Variants in NTNG1 observed in about 807,000 individuals in gnomAD.
The protein encoded by NTNG1 is netrin-G1.
A neutral mutation model predicts 54.0 loss-of-function variants in NTNG1; 16 were observed. The observed-to-expected ratio is 0.30, with a 90% CI of 0.20 to 0.45. NTNG1 has a LOEUF of 0.45. Among genes scored for constraint, NTNG1 ranks in the 20% least tolerant of loss-of-function variants. NTNG1 has a pLI of 1.00. For missense variants in NTNG1, 530 were observed against 678.7 expected (o/e 0.78, Z 2.43); for synonymous variants, 255 against 263.1 (o/e 0.97, Z 0.30).
intron 7 of NTNG1, among the ~76,000 whole-genome samples, chr1:107,476,138 G>C (rs1052955293): frequency 6.6e-6 from 1 of 152,182 alleles, no homozygotes; most frequent in African/African-American, 2.4e-5. Flanking sequence ...CATAGATACA[G>C]TCATTCACAT....
intron 3 of NTNG1, among the ~76,000 whole-genome samples, chr1:107,352,428 T>C (rs1669674483): frequency 2.0e-5 from 3 of 152,040 alleles, no homozygotes; most frequent in African/African-American, 7.2e-5. Context: ...TGGAAGACAA[T>C]GGCCCTCTTC....
At chr1:107,431,004 C>T (rs1675226903) in intron 6 of NTNG1, 87 bp downstream of exon 6, 1 of 1,230,940 alleles carries the variant, frequency 8.1e-7, no homozygotes, top group South Asian at 1.4e-5. Context: ...CGATTTGCAC[C>T]GCGGTTGAGC....
chr1:107,422,772 G>A (rs1038808544), intron 5 of NTNG1, among the ~76,000 whole-genome samples: 1 of 151,896 alleles, frequency 6.6e-6, no homozygotes, highest in Non-Finnish European at 1.5e-5. Context: ...ATTTTAATCA[G>A]CTCTGGATTT....
At chr1:107,301,836 G>A (rs1666338576) in intron 2 of NTNG1, among the ~76,000 whole-genome samples, 1 of 152,120 alleles carries the variant, frequency 6.6e-6, no homozygotes, top group African/African-American at 2.4e-5. Context: ...TTTTCTTGTT[G>A]TGTGACTTCT....
chr1:107,429,192 T>C (rs1018568037), intron 5 of NTNG1, among the ~76,000 whole-genome samples: 3 of 152,036 alleles, frequency 2.0e-5, no homozygotes, highest in African/African-American at 4.8e-5. Flanking sequence ...GCTGACACTG[T>C]TTCTGGTTAT....
rs190553798 is a variant in NTNG1 at position 107,180,987 on chromosome 1, C to T, written c.246+32148C>T. Among the ~76,000 whole-genome samples, 1,388 of 152,266 alleles carry T rather than the reference C, an allele frequency of 9.1e-3. 25 individuals carry two copies. Among genetic ancestry groups the T allele is most frequent in the African/African-American group, 0.032 (1,326 of 41,560 alleles). ...GTCCACCTCTGTATTTAGAGATCCC[C>T]TAAGGAAAGCCAGAAACCAATGGCC... On this transcript the variant is annotated intron_variant, in intron 2 of 7. Transcript: ENST00000370068.
chr1:107,412,875 G>A (rs181142049), intron 5 of NTNG1, among the ~76,000 whole-genome samples: 1 of 152,278 alleles, frequency 6.6e-6, no homozygotes, highest in East Asian at 1.9e-4. Context: ...GCATGCTTAT[G>A]CCTACTCTGC....
chr1:107,228,370 A>C (rs984698437), intron 2 of NTNG1, among the ~76,000 whole-genome samples: 1 of 152,192 alleles, frequency 6.6e-6, no homozygotes, highest in African/African-American at 2.4e-5. Flanking sequence ...TGAAGTGTAT[A>C]TATATAATAG....
chr1:107,403,334 T>A (rs888355556), intron 4 of NTNG1, among the ~76,000 whole-genome samples: 3 of 152,150 alleles, frequency 2.0e-5, no homozygotes, highest in African/African-American at 7.2e-5. Context: ...CACGTATGTA[T>A]TTCTGTGGTT....
chr1:107,469,501 G>T (rs1261000477), intron 7 of NTNG1, among the ~76,000 whole-genome samples: 2 of 151,702 alleles, frequency 1.3e-5, no homozygotes, highest in African/African-American at 4.8e-5. Flanking sequence ...TGTATTTTTT[G>T]AGTCAGAGTC....
intron 7 of NTNG1, among the ~76,000 whole-genome samples, chr1:107,475,928 A>G (rs1678292594): frequency 1.3e-5 from 2 of 152,230 alleles, no homozygotes; most frequent in Non-Finnish European, 2.9e-5. Flanking sequence ...AAAATCATCC[A>G]GCGTTGAGAA....
In NTNG1 at chr1:107,432,151, G is replaced by T. The variant is rs17019034; in HGVS notation, c.1255+1234G>T. ...GCTAGGCTCAAATTTCCGTTTGCTA[G>T]CTCATGGCTGTGTGCCATAGGTAAG... On this transcript the variant is annotated intron_variant, in intron 6 of 7. Coordinates refer to ENST00000370068, the MANE Select transcript of NTNG1 (RefSeq NM_001113226.3). Among the ~76,000 whole-genome samples, 870 of 152,274 alleles carry T rather than the reference G, an allele frequency of 5.7e-3. 12 individuals are homozygous for T. Among genetic ancestry groups the T allele is most frequent in the African/African-American group, 0.02 (831 of 41,552 alleles).
intron 3 of NTNG1, among the ~76,000 whole-genome samples, chr1:107,389,188 T>A (rs1672207375): frequency 6.6e-6 from 1 of 152,250 alleles, no homozygotes; most frequent in African/African-American, 2.4e-5. Context: ...GCCCCGAAGC[T>A]AAACTTCATC....
chr1:107,425,187 TA>T (rs398103150), intron 5 of NTNG1, among the ~76,000 whole-genome samples: 53 of 149,604 alleles, frequency 3.5e-4, no homozygotes, highest in African/African-American at 1.2e-3. Flanking sequence ...AAAGTTGAAT[TA>T]AAAAAAAAAA....
intron 2 of NTNG1, among the ~76,000 whole-genome samples, chr1:107,163,921 T>C (rs1454160958): frequency 1.3e-5 from 2 of 152,180 alleles, no homozygotes; most frequent in Admixed American, 6.5e-5. Context: ...ATGGAAATGC[T>C]AGGTTCTAAA....
At chr1:107,223,877 C>T (rs180979833) in intron 2 of NTNG1, among the ~76,000 whole-genome samples, 13 of 152,104 alleles carry the variant, frequency 8.5e-5, no homozygotes, top group Admixed American at 7.2e-4. Flanking sequence ...GAAGGGTTAT[C>T]CTTAGAATGG....
chr1:107,392,929 A>G (rs1161079159), intron 3 of NTNG1, among the ~76,000 whole-genome samples: 2 of 152,160 alleles, frequency 1.3e-5, no homozygotes, highest in Non-Finnish European at 2.9e-5. Flanking sequence ...CAGGTTATGA[A>G]TTGAGTTGAG....
intron 7 of NTNG1, among the ~76,000 whole-genome samples, chr1:107,478,769 A>G (rs561370843): frequency 1.3e-5 from 2 of 152,342 alleles, no homozygotes; most frequent in South Asian, 4.1e-4. Flanking sequence ...CCCCAATTAA[A>G]CATATTTCTT....
intron 2 of NTNG1, among the ~76,000 whole-genome samples, chr1:107,219,184 C>T (rs1436161092): frequency 1.3e-5 from 2 of 149,562 alleles, no homozygotes; most frequent in Non-Finnish European, 1.5e-5. Context: ...AAGTTTCTTC[C>T]TCTACTTGTT....
Sources: gnomAD v4.1 joint callset for allele counts (sites outside exome capture counted in the v4.1 genomes callset) on GRCh38, gnomAD v4.1.1 for gene constraint, MANE v1.5 for transcripts, NCBI Gene and HGNC (gene_info 2026-07-23, HGNC 2026-07-21) for gene names.